The following SPATS2 variants were observed in gnomAD, a reference collection of about 807,000 sequenced individuals.
SPATS2 encodes spermatogenesis-associated serine-rich protein 2.
In SPATS2, 38 loss-of-function variants were observed where a neutral mutation model predicts 63.7. The observed-to-expected ratio is 0.60, with a 90% CI of 0.46 to 0.78. The LOEUF (loss-of-function observed/expected upper bound fraction) is 0.78, where lower values mean the gene tolerates loss of function less well. Ranked by LOEUF, SPATS2 falls within the 30% of genes least tolerant of loss-of-function variation. SPATS2 has a pLI of 0.00. For synonymous variants in SPATS2, 207 were observed against 232.9 expected, an observed-to-expected ratio of 0.89 and a Z score of 1.01; for missense variants, 588 against 666.2, an observed-to-expected ratio of 0.88 and a Z score of 1.29.
chr12:49,426,421 C>T (rs1017988254), intron 2 of SPATS2, among the ~76,000 whole-genome samples: 2 of 152,032 alleles, frequency 1.3e-5, no homozygotes. Context: ...GAGATTTGTT[C>T]GATTATGAGG....
intron 2 of SPATS2, among the ~76,000 whole-genome samples, chr12:49,409,481 ATTT>A: frequency 7.3e-6 from 1 of 137,426 alleles, no homozygotes; most frequent in Non-Finnish European, 1.5e-5. Flanking sequence ...AATTTTTTGT[ATTT>A]TTAGTAGAGA....
intron 2 of SPATS2, among the ~76,000 whole-genome samples, chr12:49,406,787 A>G (rs562581344): frequency 1.3e-5 from 2 of 152,334 alleles, no homozygotes; most frequent in South Asian, 4.1e-4. Flanking sequence ...AAAAAAAAGT[A>G]AGAATTCGTC....
At chr12:49,443,336 ATTC>A (rs1156380149) in intron 2 of SPATS2, among the ~76,000 whole-genome samples, 1 of 152,172 alleles carries the variant, frequency 6.6e-6, no homozygotes, top group Non-Finnish European at 1.5e-5. Context: ...TGAAAAGATT[ATTC>A]TTTCCCTGTT....
At chr12:49,517,662 A>G (rs900732311) in intron 10 of SPATS2, among the ~76,000 whole-genome samples, 4 of 152,170 alleles carry the variant, frequency 2.6e-5, no homozygotes, top group African/African-American at 9.7e-5. Context: ...TATGGTCAAA[A>G]GACAACTCCC....
At chr12:49,464,581 C>G (rs1033029256) in intron 3 of SPATS2, among the ~76,000 whole-genome samples, 3 of 145,864 alleles carry the variant, frequency 2.1e-5, no homozygotes. Context: ...GAGCCGAGAT[C>G]GTGCCATTGC....
intron 2 of SPATS2, among the ~76,000 whole-genome samples, chr12:49,424,661 G>A (rs1293071612): frequency 6.6e-6 from 1 of 152,004 alleles, no homozygotes; most frequent in Admixed American, 6.6e-5. Flanking sequence ...TGATACATAC[G>A]TACCATAGTA....
chr12:49,414,851 G>T (rs1944857408), intron 2 of SPATS2, among the ~76,000 whole-genome samples: 1 of 151,782 alleles, frequency 6.6e-6, no homozygotes, highest in African/African-American at 2.4e-5. Context: ...CTCCTACCTT[G>T]GCCCCACAAA....
chr12:49,393,528 G>C lies in SPATS2; in HGVS notation c.-244+22238G>C, dbSNP rs546560833. 8.5e-4 allele frequency among the ~76,000 whole-genome samples: 130 copies of C among 152,054 alleles called. 4 individuals are homozygous for C. In the South Asian group the frequency reaches 0.026, roughly 31 times the overall value. On this transcript the variant is annotated intron_variant, in intron 2 of 13. Coordinates refer to ENST00000552918, the MANE Select transcript of SPATS2 (RefSeq NM_023071.4). ...AGGAAGGGCAGAATTATTTCTCTTT[G>C]TTCGTATTTAGAATAATGAAATGAC...
At chr12:49,500,586 C>T (rs577831236) in intron 9 of SPATS2, among the ~76,000 whole-genome samples, 2,551 of 152,122 alleles carry the variant, frequency 0.017, 35 homozygotes, top group Middle Eastern at 0.041. Context: ...TCCTGGCTAA[C>T]ACGGTGAAAA....
chr12:49,456,149 C>A (rs560963216), intron 2 of SPATS2, among the ~76,000 whole-genome samples: 71 of 152,236 alleles, frequency 4.7e-4, no homozygotes, highest in Non-Finnish European at 7.6e-4. Flanking sequence ...TCATGGCTTT[C>A]CCTGCCTTGG....
At chr12:49,506,301 C>A (rs1184918071) in intron 9 of SPATS2, among the ~76,000 whole-genome samples, 2 of 143,332 alleles carry the variant, frequency 1.4e-5, no homozygotes, top group Non-Finnish European at 3.0e-5. Flanking sequence ...ATACTCAAGA[C>A]TGGGTAATTT....
intron 2 of SPATS2, among the ~76,000 whole-genome samples, chr12:49,432,404 G>A (rs901478457): frequency 6.6e-6 from 1 of 152,180 alleles, no homozygotes; most frequent in African/African-American, 2.4e-5. Context: ...CCCAGGAGGC[G>A]GAGGTTTCAG....
intron 2 of SPATS2, chr12:49,390,308 ATAGT>A (rs1944397906): frequency 4.6e-6 from 2 of 430,934 alleles, no homozygotes; most frequent in Non-Finnish European, 8.3e-6. Context: ...ACAAAAACGC[ATAGT>A]TAATGGTCAT....
intron 2 of SPATS2, among the ~76,000 whole-genome samples, chr12:49,383,464 G>A (rs544646918): frequency 1.9e-4 from 29 of 152,098 alleles, no homozygotes; most frequent in African/African-American, 5.8e-4. Flanking sequence ...TGGCTGGAGC[G>A]CAGTGACATC....
chr12:49,499,391 G>GTGGTT (rs1555191369), intron 8 of SPATS2, among the ~76,000 whole-genome samples: 1 of 146,444 alleles, frequency 6.8e-6, no homozygotes, highest in Non-Finnish European at 1.5e-5. Flanking sequence ...GTTCTGCCTG[G>GTGGTT]TTGTTTTGTT....
At position 49,480,926 on chromosome 12, in the gene SPATS2, CTG is replaced by C. The variant is rs1040545250; in HGVS notation, c.26-3660_26-3659del. 6.6e-5 allele frequency among the ~76,000 whole-genome samples: 10 copies of C among 151,940 alleles called. No homozygotes were observed. The East Asian group carries it at 7.7e-4, about 12-fold the overall frequency. ...ATTATAAATTAACAGCAGAATGAGA[CTG>C]TGTTTTAAAGCTTGTCAAGACACCT... is the stretch of plus-strand genomic sequence containing the variant. On this transcript the variant is annotated intron_variant, in intron 3 of 13. Coordinates refer to ENST00000552918, the MANE Select transcript of SPATS2 (RefSeq NM_023071.4).
intron 1 of SPATS2, among the ~76,000 whole-genome samples, chr12:49,369,030 C>CTTTTT (rs35158946): frequency 2.3e-4 from 24 of 102,592 alleles, no homozygotes; most frequent in East Asian, 5.6e-4. Flanking sequence ...CAATGTGCCT[C>CTTTTT]TTTTTTTTTT....
chr12:49,425,141 G>A (rs11832340), intron 2 of SPATS2, among the ~76,000 whole-genome samples: 2,298 of 152,158 alleles, frequency 0.015, 55 homozygotes, highest in African/African-American at 0.052. Flanking sequence ...TAAGCAGAGT[G>A]AGAACTCTTA....
rs938865103 is a variant in SPATS2, at chr12:49,524,605, GAA to G, written c.1112-75_1112-74del. 1.2e-5 allele frequency: 18 copies of G among 1,453,696 alleles called. No individual in the cohort carries two copies. The African/African-American group carries it at 2.5e-4, about 20-fold the overall frequency. The allele number at this position is 1,453,696 out of a possible 1,614,324, so 90.0% of individuals were successfully genotyped here. ...TTCTTTATCTTAAATTGCTCATTGT[GAA>G]ATTGAGAAAGTAGAAACCTTATCCA... On this transcript the variant is annotated intron_variant, in intron 12 of 13. Coordinates refer to ENST00000552918, the MANE Select transcript of SPATS2 (RefSeq NM_023071.4).
Sources: gnomAD v4.1 joint callset for allele counts (sites outside exome capture counted in the v4.1 genomes callset) on GRCh38, gnomAD v4.1.1 for gene constraint, MANE v1.5 for transcripts, NCBI Gene and HGNC (gene_info 2026-07-23, HGNC 2026-07-21) for gene names.